INPP5E: variants seen among roughly 807,000 people sequenced by gnomAD.
The protein encoded by INPP5E is inositol polyphosphate-5-phosphatase E, also known as phosphatidylinositol polyphosphate 5-phosphatase type IV.
INPP5E carries 34 observed loss-of-function variants against 50.5 expected under a neutral mutation model. The observed-to-expected ratio is 0.67, with a 90% CI of 0.51 to 0.90. INPP5E has a LOEUF of 0.90. Ranked by LOEUF, INPP5E falls within the 40% of genes least tolerant of loss-of-function variation. The pLI is 0.00. For synonymous variants in INPP5E, 447 were observed against 406.0 expected (o/e 1.10, Z -1.21); for missense variants, 942 against 905.5 (o/e 1.04, Z -0.52).
Position 136,434,017 on chromosome 9 carries a change from A to C in INPP5E, c.1034+20T>G. ...ACGGCAGCCCCTGGGCAGGCACTGC[A>C]GGGCCTGCAGCCGCCCTACCTGTCA... On this transcript the variant is annotated intron_variant, in intron 3 of 9. Transcript: ENST00000371712. The C allele has an allele frequency of 6.3e-7, 1 of 1,582,342 alleles. No homozygotes were observed. Among genetic ancestry groups the C allele is most frequent in the Non-Finnish European group, 8.6e-7 (1 of 1,162,422 alleles).
Position 136,439,438 on chromosome 9 carries a change from C to G in INPP5E, c.-19G>C. On this transcript the variant is annotated 5_prime_UTR_variant, in exon 1 of 10. Coordinates refer to ENST00000371712, the MANE Select transcript of INPP5E (RefSeq NM_019892.6). ...ACGGCATGGACGGTCTCTCCCGGGG[C>G]AGGCCTCGGCGCGAGGCCGCAGGCA... 6.9e-7 allele frequency: 1 copy of G among 1,443,708 alleles called. No homozygotes were observed. Among genetic ancestry groups the G allele is most frequent in the Non-Finnish European group, 9.1e-7 (1 of 1,101,870 alleles). 89.4% of individuals were successfully genotyped at this position (1,443,708 alleles called of 1,614,324 possible).
chr9:136,430,228 C>T lies in INPP5E; in HGVS notation c.1802+49G>A, dbSNP rs4451431. ...GGGACCCTCTTAGCTCATGGGACGA[C>T]GGCACGACCCCCAGGCCCAAGGGGG... On this transcript the variant is annotated intron_variant, in intron 9 of 9. Transcript: ENST00000371712. The T allele has an allele frequency of 0.15, 231,604 of 1,548,680 alleles. 18,274 individuals carry two copies. Among genetic ancestry groups the T allele is most frequent in the Admixed American group, 0.26 (13,116 of 50,982 alleles).
rs764753548 is a variant in INPP5E at position 136,431,812 on chromosome 9, C to G, written c.1549+12G>C. The G allele has an allele frequency of 1.3e-5, 21 of 1,585,252 alleles. No homozygotes were observed. The highest frequency in any genetic ancestry group is 4.6e-5 in the East Asian group (2 of 43,952). ...CTCATCTCCCTCCATGCCCGCCCCC[C>G]CAGGCCCTCACCTTTCCGCATCTCC... is the stretch of plus-strand genomic sequence containing the variant. On this transcript the variant is annotated intron_variant, in intron 7 of 9. Coordinates refer to ENST00000371712, the MANE Select transcript of INPP5E (RefSeq NM_019892.6).
Position 136,429,759 on chromosome 9 carries a change from T to C in INPP5E, c.1851A>G (p.Gly617=). The C allele has an allele frequency of 2.5e-6, 4 of 1,613,686 alleles. No individual in the cohort carries two copies. Among genetic ancestry groups the C allele is most frequent in the Non-Finnish European group, 3.4e-6 (4 of 1,179,946 alleles). ...TCTCCTTCGAAATCCGTCTTTTAAT[T>C]CCTAGTAAGTACAGTTCTCTATCAA... The part of the protein sequence containing the change: ...GKFDRELYLL[G]IKRRISKEIQ... Residue 617 remains glycine (G), a synonymous_variant, in exon 10 of 10, where the codon GGA becomes GGG. Transcript: ENST00000371712.
At position 136,438,644 on chromosome 9, in the gene INPP5E, A is replaced by G; in HGVS notation, c.776T>C (p.Leu259Pro). 6.3e-7 allele frequency: 1 copy of G among 1,577,658 alleles called. No homozygotes were observed. The highest frequency in any genetic ancestry group is 1.1e-5 in the South Asian group (1 of 87,010). Residue 259 changes from leucine to proline, a missense_variant, in exon 1 of 10, where the codon CTC (leucine) becomes CCC (proline). Physicochemically the swap from Leu to Pro is moderately conservative, Grantham distance 98 (BLOSUM62 -3). Transcript: ENST00000371712. ...SLRSAKSSFS[L>P]LAPIRSKDVR... ...GTCCTTGCTGCGGATGGGCGCCAGGAGGCTGAAGGAGGATTTGGCCGAGCG... is the reference window on the plus strand; with the variant it reads ...GTCCTTGCTGCGGATGGGCGCCAGGGGGCTGAAGGAGGATTTGGCCGAGCG...
rs771894087 is a variant in INPP5E, at chr9:136,429,782, C to T, written c.1828G>A (p.Asp610Asn). ...DNIPLAAGKF[D>N]RELYLLGIKR... Reference sequence around the variant, plus strand: ...ATTCCTAGTAAGTACAGTTCTCTATCAAATTTGCCAGCTGCCAACGGAATG... The same window carrying T: ...ATTCCTAGTAAGTACAGTTCTCTATTAAATTTGCCAGCTGCCAACGGAATG... Residue 610 changes from aspartate (D) to asparagine (N), a missense_variant, in exon 10 of 10, where the codon GAT becomes AAT. By Grantham distance (23) the Asp-to-Asn change is conservative. Coordinates refer to ENST00000371712, the MANE Select transcript of INPP5E (RefSeq NM_019892.6). 6.2e-7 allele frequency: 1 copy of T among 1,613,092 alleles called. No individual in the cohort carries two copies. Among genetic ancestry groups the T allele is most frequent in the South Asian group, 1.1e-5 (1 of 91,080 alleles).
Position 136,439,146 on chromosome 9 carries a change from TC to T in INPP5E, c.273del (p.Trp91Ter). 6.3e-7 allele frequency: 1 copy of T among 1,579,172 alleles called. No homozygotes were observed. On this transcript the variant is annotated frameshift_variant, in exon 1 of 10. Transcript: ENST00000371712. LOFTEE classifies it high-confidence loss of function. ...TGGCTGCCTCGAAAACGCCTCCTCC[TC>T]CAGCCCTTGTCGTCCAGGGACAGGG... ...ERALSLDDKG[W>X]RRRRFRGSQE...
Position 136,432,552 on chromosome 9 carries a change from G to A in INPP5E, c.1314C>T (p.Asp438=). ...CCAGGGCTTGTACAGTCCTGGTGTA[G>A]TCCAGCAGCCGCTCCGCCACCTTCC... The part of the protein sequence containing the change: ...GDGKVAERLL[D]YTRTVQALVL... The change falls in exon 6 of 10, where the codon GAC becomes GAT. Residue 438 remains aspartate (D), a synonymous_variant. Transcript: ENST00000371712. The A allele has an allele frequency of 1.3e-6, 2 of 1,550,600 alleles. No individual in the cohort carries two copies. The highest frequency in any genetic ancestry group is 2.4e-5 in the East Asian group (1 of 41,102).
chr9:136,429,713 G>C lies in INPP5E; in HGVS notation c.1897C>G (p.Gln633Glu), dbSNP rs763184652. The C allele has an allele frequency of 2.2e-5, 35 of 1,613,976 alleles. No individual in the cohort carries two copies. The East Asian group carries it at 6.7e-4, about 31-fold the overall frequency. ...SKEIQRQQALQSQNSSTICSV... is the reference protein window; with the variant it reads ...SKEIQRQQALESQNSSTICSV... ...CAGATGGTGCTGGAGTTCTGACTCT[G>C]TAGTGCTTGCTGCCTCTGAATCTCC... The change falls in exon 10 of 10, where the codon CAG becomes GAG. Residue 633 changes from glutamine to glutamate, a missense_variant. Transcript: ENST00000371712.
intron 4 of INPP5E, 23 bp from the exon 5 acceptor site, chr9:136,433,098 C>A (rs767224520): frequency 6.2e-7 from 1 of 1,612,482 alleles, no homozygotes; most frequent in Non-Finnish European, 8.5e-7. Context: ...CAGCCCTCAG[C>A]TCACCTGTGG....
chr9:136,437,767 G>C (rs960939711), intron 1 of INPP5E: 1 of 152,702 alleles, frequency 6.5e-6, no homozygotes, highest in African/African-American at 2.4e-5. Flanking sequence ...CCATGGCAGT[G>C]GGGTGGGGGG....
rs936290839 is a variant in INPP5E, at chr9:136,429,538, C to T, written c.*137G>A. 2.2e-5 allele frequency: 26 copies of T among 1,198,018 alleles called. No homozygotes were observed. The highest frequency in any genetic ancestry group is 7.5e-5 in the African/African-American group (5 of 67,096). The allele number at this position is 1,198,018 out of a possible 1,614,324, so 74.2% of individuals were successfully genotyped here. On this transcript the variant is annotated 3_prime_UTR_variant, in exon 10 of 10. Transcript: ENST00000371712. ...GGCTCGCTCAGGGTTGGCTTCCTTCCTGGGACGCTGGCACAGAGGCACGGT... is the reference window on the plus strand; with the variant it reads ...GGCTCGCTCAGGGTTGGCTTCCTTCTTGGGACGCTGGCACAGAGGCACGGT...
Position 136,432,597 on chromosome 9 carries a change from A to C in INPP5E, c.1280-11T>G. 6.6e-7 allele frequency: 1 copy of C among 1,509,720 alleles called. No homozygotes were observed. Among genetic ancestry groups the C allele is most frequent in the Non-Finnish European group, 9.0e-7 (1 of 1,111,348 alleles). 93.5% of individuals were successfully genotyped at this position (1,509,720 alleles called of 1,614,324 possible). On this transcript the variant is annotated splice_polypyrimidine_tract_variant and intron_variant, in intron 5 of 9. Transcript: ENST00000371712. ...CCTTCCCGTCACCTGCTGTGGGAAC[A>C]GAAATGGGGTAGGGACCACAGGGTT...
At chr9:136,432,901 A>G in intron 5 of INPP5E, 55 bp downstream of exon 5, 1 of 1,596,806 alleles carries the variant, frequency 6.3e-7, no homozygotes, top group Non-Finnish European at 8.5e-7. Context: ...GGTCCCGGTC[A>G]GGAGAGGAAG....
rs2131618678 is a variant in INPP5E, at chr9:136,438,942, G to C, written c.478C>G (p.Pro160Ala). 1 of 1,569,552 alleles carries C rather than the reference G, an allele frequency of 6.4e-7. No homozygotes were observed. Among genetic ancestry groups the C allele is most frequent in the African/African-American group, 1.3e-5 (1 of 74,240 alleles). The change falls in exon 1 of 10, where the codon CCT becomes GCT. Residue 160 changes from proline to alanine, a missense_variant. Transcript: ENST00000371712. ...ERGSPSSGGN[P>A]LSGVASSSPN... ...GAGCTGCTGGCCACCCCAGAGAGAG[G>C]GTTACCCCCCGAGGACGGGCTCCCT...
chr9:136,435,902 T>A (rs1835818338), intron 1 of INPP5E: 1 of 152,228 alleles, frequency 6.6e-6, no homozygotes, highest in Admixed American at 6.5e-5. Context: ...TTTCCAACCA[T>A]TTGGAAATGT....
rs368389034 is a variant in INPP5E at position 136,438,279 on chromosome 9, A to C, written c.812+329T>G. The C allele has an allele frequency of 1.3e-4, 55 of 407,896 alleles. 1 individual carries two copies. The highest frequency in any genetic ancestry group is 9.0e-4 in the East Asian group (19 of 21,206). 25.3% of individuals were successfully genotyped at this position (407,896 alleles called of 1,614,324 possible). A position where few individuals can be genotyped will look rare whatever the true frequency, so the allele number is the denominator to read the frequency against. ...GACAGAGAGAGTAACAAACAAAAAC[A>C]ACCAAAGGGGCGGATCGTATACATT... is the stretch of plus-strand genomic sequence containing the variant. On this transcript the variant is annotated intron_variant, in intron 1 of 9. Coordinates refer to ENST00000371712, the MANE Select transcript of INPP5E (RefSeq NM_019892.6).
In INPP5E at chr9:136,439,436, G is replaced by A. The variant is rs1346757982; in HGVS notation, c.-17C>T. On this transcript the variant is annotated 5_prime_UTR_variant, in exon 1 of 10. Transcript: ENST00000371712. ...GGACGGCATGGACGGTCTCTCCCGGGGCAGGCCTCGGCGCGAGGCCGCAGG... is the reference window on the plus strand; with the variant it reads ...GGACGGCATGGACGGTCTCTCCCGGAGCAGGCCTCGGCGCGAGGCCGCAGG... The A allele has an allele frequency of 6.9e-7, 1 of 1,444,858 alleles. No individual in the cohort carries two copies. The highest frequency in any genetic ancestry group is 9.1e-7 in the Non-Finnish European group (1 of 1,102,524). 89.5% of individuals were successfully genotyped at this position (1,444,858 alleles called of 1,614,324 possible).
chr9:136,434,193 G>A, intron 2 of INPP5E, 59 bp from the exon 3 acceptor site: 1 of 1,232,566 alleles, frequency 8.1e-7, no homozygotes, highest in Non-Finnish European at 1.2e-6. Context: ...GCGCCTGTGG[G>A]TGAATCCCAC....
Sources: gnomAD v4.1 joint callset for allele counts on GRCh38, gnomAD v4.1.1 for gene constraint, MANE v1.5 for transcripts, NCBI Gene and HGNC (gene_info 2026-07-23, HGNC 2026-07-21) for gene names.